Variants in TASP1 observed in about 807,000 individuals in gnomAD.
The protein encoded by TASP1 is threonine aspartase 1.
A neutral mutation model predicts 56.6 loss-of-function variants in TASP1; 16 were observed. The observed-to-expected ratio is 0.28, with a 90% CI of 0.19 to 0.43. The LOEUF is 0.43. TASP1 is among the 20% of genes least tolerant of loss of function. The probability of loss-of-function intolerance (pLI) is 1.00; values close to 1 mark genes in which losing one functional copy is unlikely to be tolerated. For synonymous variants in TASP1, 179 were observed against 184.2 expected (o/e 0.97, Z 0.23); for missense variants, 393 against 511.6 (o/e 0.77, Z 2.24).
chr20:13,224,005 G>C, the TASP1 span, among the ~76,000 whole-genome samples: 1 of 152,138 alleles, frequency 6.6e-6, no homozygotes, highest in East Asian at 1.9e-4. Context: ...AGTTCTAAAA[G>C]GGAAGTGGAC....
At chr20:13,569,389 T>C in intron 7 of TASP1, 118 bp downstream of exon 7, 4 of 716,612 alleles carry the variant, frequency 5.6e-6, no homozygotes, top group Non-Finnish European at 8.3e-6. Flanking sequence ...ACTACAAATC[T>C]TTCAACATAT....
chr20:13,159,981 T>G, the TASP1 span: 22 of 1,523,380 alleles, frequency 1.4e-5, 1 homozygote, highest in South Asian at 2.9e-4. Flanking sequence ...TTTTTTTTTT[T>G]CTTTTTTTGC....
At chr20:13,403,347 A>G (rs1015479339) in intron 13 of TASP1, among the ~76,000 whole-genome samples, 2 of 152,060 alleles carry the variant, frequency 1.3e-5, no homozygotes, top group East Asian at 3.9e-4. Flanking sequence ...TATAAATGCC[A>G]CCTTTGGGAG....
At chr20:13,502,628 A>G (rs533344071) in intron 10 of TASP1, among the ~76,000 whole-genome samples, 1 of 150,124 alleles carries the variant, frequency 6.7e-6, no homozygotes, top group Non-Finnish European at 1.5e-5. Flanking sequence ...AATTTGTGAC[A>G]AGGTAGGAGA....
At chr20:13,421,969 T>TTG (rs1555843847) in intron 12 of TASP1, among the ~76,000 whole-genome samples, 6 of 136,998 alleles carry the variant, frequency 4.4e-5, no homozygotes, top group Admixed American at 7.4e-5. Context: ...TTTTTTTTTT[T>TTG]TTGACAGAGT....
At chr20:13,468,855 ATG>A (rs886440690) in intron 11 of TASP1, among the ~76,000 whole-genome samples, 1 of 127,182 alleles carries the variant, frequency 7.9e-6, no homozygotes, top group African/African-American at 2.7e-5. Context: ...TGGTTTTTTT[ATG>A]TGTGTGTGTT....
At chr20:13,198,072 G>A in the TASP1 span, among the ~76,000 whole-genome samples, 10 of 152,034 alleles carry the variant, frequency 6.6e-5, no homozygotes, top group African/African-American at 2.4e-4. Flanking sequence ...GCCAGTCTTT[G>A]TCAAATGCCT....
At chr20:13,455,567 G>C (rs1480830327) in intron 11 of TASP1, among the ~76,000 whole-genome samples, 1 of 152,020 alleles carries the variant, frequency 6.6e-6, no homozygotes, top group African/African-American at 2.4e-5. Context: ...AAAGTTCATG[G>C]GGACAATGCC....
At chr20:13,355,885 T>G in the TASP1 span, among the ~76,000 whole-genome samples, 2 of 152,164 alleles carry the variant, frequency 1.3e-5, no homozygotes, top group African/African-American at 4.8e-5. Context: ...GATCCCCCAG[T>G]TCTAAAGAGT....
the TASP1 span, among the ~76,000 whole-genome samples, chr20:13,332,886 T>A: frequency 6.6e-6 from 1 of 152,210 alleles, no homozygotes; most frequent in Non-Finnish European, 1.5e-5. Context: ...GTTGCTTGAT[T>A]TGTATGTTGT....
chr20:13,335,289 C>T, the TASP1 span, among the ~76,000 whole-genome samples: 8,303 of 151,700 alleles, frequency 0.055, 335 homozygotes, highest in East Asian at 0.15. Flanking sequence ...CCATTCCCTT[C>T]CCTATGCTCC....
intron 12 of TASP1, among the ~76,000 whole-genome samples, chr20:13,432,903 G>A (rs1019522160): frequency 5.3e-5 from 8 of 152,020 alleles, no homozygotes; most frequent in East Asian, 3.9e-4. Flanking sequence ...AGGAATAATC[G>A]ATGAAACAAT....
At chr20:13,297,036 G>A in the TASP1 span, among the ~76,000 whole-genome samples, 2 of 146,974 alleles carry the variant, frequency 1.4e-5, no homozygotes, top group African/African-American at 2.5e-5. Flanking sequence ...CTCACCCCCC[G>A]CCAAAAAAAA....
intron 6 of TASP1, among the ~76,000 whole-genome samples, chr20:13,577,253 G>A (rs530315966): frequency 1.3e-5 from 2 of 152,210 alleles, no homozygotes; most frequent in South Asian, 4.2e-4. Context: ...AGACGTTGTA[G>A]GTAGAAATGT....
intron 7 of TASP1, among the ~76,000 whole-genome samples, chr20:13,562,778 G>A (rs1440182858): frequency 6.6e-6 from 1 of 151,280 alleles, no homozygotes; most frequent in African/African-American, 2.4e-5. Context: ...TCCAGCAGCT[G>A]AGATGGGAGA....
the TASP1 span, among the ~76,000 whole-genome samples, chr20:13,107,529 A>C: frequency 6.6e-6 from 1 of 152,216 alleles, no homozygotes; most frequent in African/African-American, 2.4e-5. Context: ...TCAATTAGGT[A>C]ATATTATGTG....
Position 13,472,148 on chromosome 20 carries a change from G to A in TASP1, c.985+11079C>T, listed in dbSNP as rs148085395. 4.6e-4 allele frequency among the ~76,000 whole-genome samples: 70 copies of A among 150,774 alleles called. 3 individuals carry two copies. The highest frequency in any genetic ancestry group is 1.5e-3 in the African/African-American group (63 of 40,736). ...TGCCAAAACAGATATACCGACCAAC[G>A]GAACAGAACAGGGGACTCAGAAATA... On this transcript the variant is annotated intron_variant, in intron 11 of 13. Coordinates refer to ENST00000337743, the MANE Select transcript of TASP1 (RefSeq NM_017714.3).
chr20:13,603,058 C>G (rs1471629931), intron 4 of TASP1, among the ~76,000 whole-genome samples: 1 of 151,778 alleles, frequency 6.6e-6, no homozygotes, highest in African/African-American at 2.4e-5. Context: ...TGGTAAAACC[C>G]CATCTCTACT....
chr20:13,118,454 AAAAAAC>A, the TASP1 span, among the ~76,000 whole-genome samples: 2 of 151,260 alleles, frequency 1.3e-5, no homozygotes, highest in South Asian at 2.1e-4. Flanking sequence ...TTGTGGAAAA[AAAAAAC>A]AAAAAAAAAC....
Sources: allele counts gnomAD v4.1 joint callset (sites outside exome capture counted in the v4.1 genomes callset), GRCh38; gene constraint gnomAD v4.1.1; transcripts MANE v1.5; gene names NCBI Gene and HGNC (gene_info 2026-07-23, HGNC 2026-07-21).